Variants in HHAT observed in about 807,000 individuals in gnomAD.
The protein encoded by HHAT is hedgehog acyltransferase.
Under a neutral mutation model 70.8 loss-of-function variants are expected in HHAT, and 47 were observed. The observed-to-expected ratio is 0.66, with a 90% CI of 0.53 to 0.85. HHAT has a LOEUF of 0.85. HHAT is among the 40% of genes least tolerant of loss of function. The pLI is 0.00. For synonymous variants in HHAT, 228 were observed against 247.6 expected, an observed-to-expected ratio of 0.92 and a Z score of 0.74; for missense variants, 609 against 604.8, an observed-to-expected ratio of 1.01 and a Z score of -0.07.
intron 7 of HHAT, among the ~76,000 whole-genome samples, chr1:210,459,385 A>G (rs891129090): frequency 2.0e-5 from 3 of 152,208 alleles, no homozygotes; most frequent in Non-Finnish European, 2.9e-5. Context: ...ATGCTTATCA[A>G]ACATCAACCA....
chr1:210,621,469 G>A (rs1668818040), intron 10 of HHAT, among the ~76,000 whole-genome samples: 1 of 152,046 alleles, frequency 6.6e-6, no homozygotes, highest in Admixed American at 6.6e-5. Context: ...ATCCATTTTG[G>A]ATCTTCCTCT....
chr1:210,522,716 C>T (rs2095177718), intron 9 of HHAT, among the ~76,000 whole-genome samples: 1 of 152,112 alleles, frequency 6.6e-6, no homozygotes, highest in Non-Finnish European at 1.5e-5. Context: ...ATCACTCAGC[C>T]CTGTGCCTGG....
At chr1:210,431,765 C>T (rs543650798) in intron 7 of HHAT, among the ~76,000 whole-genome samples, 2 of 151,816 alleles carry the variant, frequency 1.3e-5, no homozygotes, top group South Asian at 4.2e-4. Flanking sequence ...AATGAAATTC[C>T]CTTTCCAATG....
intron 2 of HHAT, among the ~76,000 whole-genome samples, chr1:210,357,003 T>C (rs535830306): frequency 3.8e-4 from 58 of 152,370 alleles, no homozygotes; most frequent in African/African-American, 1.3e-3. Context: ...CAGCCTGTCT[T>C]GAAGCATTAA....
intron 9 of HHAT, among the ~76,000 whole-genome samples, chr1:210,525,677 T>C (rs1282569680): frequency 6.6e-6 from 1 of 152,218 alleles, no homozygotes; most frequent in Non-Finnish European, 1.5e-5. Flanking sequence ...AGAATTGAGA[T>C]GCATAATTTA....
chr1:210,479,544 A>G (rs915389315), intron 8 of HHAT, among the ~76,000 whole-genome samples: 6 of 152,162 alleles, frequency 3.9e-5, no homozygotes, highest in Non-Finnish European at 8.8e-5. Flanking sequence ...GCTTAGGTTA[A>G]ATGATTTGCC....
intron 11 of HHAT, among the ~76,000 whole-genome samples, chr1:210,647,505 A>G (rs1046463276): frequency 6.6e-6 from 1 of 152,136 alleles, no homozygotes; most frequent in Non-Finnish European, 1.5e-5. Context: ...GAAATGTCAT[A>G]TGGCACGTTA....
chr1:210,613,980 A>G (rs796150003), intron 10 of HHAT, among the ~76,000 whole-genome samples: 6 of 147,420 alleles, frequency 4.1e-5, no homozygotes, highest in African/African-American at 1.3e-4. Flanking sequence ...TGATTGTGCT[A>G]CTGCACTCCA....
At chr1:210,382,143 C>T (rs2090686785) in intron 3 of HHAT, among the ~76,000 whole-genome samples, 2 of 152,178 alleles carry the variant, frequency 1.3e-5, no homozygotes, top group East Asian at 1.9e-4. Flanking sequence ...GAAAGATTTA[C>T]TCAGTGGTGA....
intron 9 of HHAT, among the ~76,000 whole-genome samples, chr1:210,523,613 T>TGTGTGC (rs66764618): frequency 1.4e-5 from 2 of 145,576 alleles, no homozygotes; most frequent in African/African-American, 2.5e-5. Flanking sequence ...TGTGTGTGTG[T>TGTGTGC]GCGCGCGCAC....
At chr1:210,673,119 C>A (rs1259300241) in intron 11 of HHAT, among the ~76,000 whole-genome samples, 1 of 152,136 alleles carries the variant, frequency 6.6e-6, no homozygotes, top group African/African-American at 2.4e-5. Flanking sequence ...AATCAAATGA[C>A]CCTCCTGATC....
chr1:210,440,606 A>G (rs1352161851), intron 7 of HHAT, among the ~76,000 whole-genome samples: 2 of 151,842 alleles, frequency 1.3e-5, no homozygotes, highest in East Asian at 3.8e-4. Context: ...AGTGCATCCT[A>G]GTATTCCCCA....
chr1:210,557,576 A>G (rs1444845517), intron 9 of HHAT, among the ~76,000 whole-genome samples: 1 of 152,180 alleles, frequency 6.6e-6, no homozygotes, highest in African/African-American at 2.4e-5. Flanking sequence ...ACAGTTCCAC[A>G]TGGTTGAGGA....
intron 11 of HHAT, among the ~76,000 whole-genome samples, chr1:210,643,705 A>AT (rs142070413): frequency 0.11 from 16,755 of 146,704 alleles, 959 homozygotes; most frequent in South Asian, 0.2. Context: ...CAGTAGATTC[A>AT]TTTTTTTTTT....
At chr1:210,494,542 C>CTTTTTTTTTTTT (rs71146226) in intron 8 of HHAT, among the ~76,000 whole-genome samples, 914 of 82,738 alleles carry the variant, frequency 0.011, 81 homozygotes, top group Non-Finnish European at 0.015. Context: ...TTTGAAATAG[C>CTTTTTTTTTTTT]TTTTTTTTTT....
At chr1:210,490,052 G>GA (rs1274336974) in intron 8 of HHAT, among the ~76,000 whole-genome samples, 3 of 151,642 alleles carry the variant, frequency 2.0e-5, no homozygotes, top group Non-Finnish European at 4.4e-5. Flanking sequence ...AGTTAAAAAA[G>GA]AAAAAAAAGT....
At chr1:210,435,288 C>T (rs1373638317) in intron 7 of HHAT, among the ~76,000 whole-genome samples, 1 of 151,902 alleles carries the variant, frequency 6.6e-6, no homozygotes, top group Non-Finnish European at 1.5e-5. Context: ...ATTCATGTTT[C>T]TATAAATGAC....
chr1:210,638,722 C>CAAAAAAAAAAAAAA (rs71146238), intron 11 of HHAT, among the ~76,000 whole-genome samples: 1 of 95,264 alleles, frequency 1.0e-5, no homozygotes, highest in Non-Finnish European at 2.0e-5. Context: ...CCTGTATTTA[C>CAAAAAAAAAAAAAA]AAAAAAAAAA....
At chr1:210,380,288 C>G (rs1170097892) in intron 3 of HHAT, among the ~76,000 whole-genome samples, 3 of 152,142 alleles carry the variant, frequency 2.0e-5, no homozygotes, top group African/African-American at 7.2e-5. Context: ...CGCCTATAAT[C>G]CCAGCACTTT....
Sources: gnomAD v4.1 joint callset for allele counts (sites outside exome capture counted in the v4.1 genomes callset) on GRCh38, gnomAD v4.1.1 for gene constraint, MANE v1.5 for transcripts, NCBI Gene and HGNC (gene_info 2026-07-23, HGNC 2026-07-21) for gene names.